The following ZNF90 variants were observed in gnomAD, a reference collection of about 807,000 sequenced individuals.
The protein encoded by ZNF90 is zinc finger protein 90, also known as zinc finger protein HTF9.
Under a neutral mutation model 12.0 loss-of-function variants are expected in ZNF90, and 11 were observed. The observed-to-expected ratio is 0.92, with a 90% CI of 0.58 to 1.52. The LOEUF (loss-of-function observed/expected upper bound fraction) is 1.52. Ranked by LOEUF, ZNF90 falls within the 40% of genes most tolerant of loss-of-function variation. ZNF90 has a pLI of 0.00. For synonymous variants in ZNF90, 232 were observed against 240.1 expected (o/e 0.97, Z 0.31); for missense variants, 765 against 711.5 (o/e 1.08, Z -0.86).
intron 3 of ZNF90, among the ~76,000 whole-genome samples, chr19:20,107,721 C>G (rs2089052318): frequency 6.6e-6 from 1 of 152,124 alleles, no homozygotes; most frequent in African/African-American, 2.4e-5. Flanking sequence ...TCTCCATATA[C>G]ATTTTTACTT....
chr19:20,115,992 G>T (rs2089133738), intron 3 of ZNF90, among the ~76,000 whole-genome samples: 1 of 152,122 alleles, frequency 6.6e-6, no homozygotes, highest in Non-Finnish European at 1.5e-5. Flanking sequence ...TCCTGCTTCA[G>T]TCTCCTGAGT....
chr19:20,088,784 C>CTACA (rs2088879556), intron 1 of ZNF90, among the ~76,000 whole-genome samples: 1 of 152,160 alleles, frequency 6.6e-6, no homozygotes. Context: ...ATTACACAGG[C>CTACA]TACAGAAGGT....
At chr19:20,079,148 T>G (rs2088801579) in intron 1 of ZNF90, among the ~76,000 whole-genome samples, 1 of 151,282 alleles carries the variant, frequency 6.6e-6, no homozygotes, top group South Asian at 2.1e-4. Context: ...GTAAGCATCT[T>G]AAAATTTCCA....
chr19:20,103,031 C>T (rs1425046366), intron 1 of ZNF90, among the ~76,000 whole-genome samples: 1 of 152,072 alleles, frequency 6.6e-6, no homozygotes, highest in African/African-American at 2.4e-5. Context: ...AGACCAAACA[C>T]CAGGTCGTGG....
rs921885202 is a variant in ZNF90 at position 20,078,250 on chromosome 19, C to T, written c.3+115C>T. ...AGTCAGCTCCACAATCTGCGACCGA[C>T]TTCTCCTTGCCCAGTTCGGCCTCAG... On this transcript the variant is annotated intron_variant, in intron 1 of 3. Coordinates refer to ENST00000418063, the MANE Select transcript of ZNF90 (RefSeq NM_007138.2). The T allele has an allele frequency of 4.4e-6, 6 of 1,377,368 alleles. No individual in the cohort carries two copies. In the African/African-American group the frequency reaches 5.7e-5, roughly 13 times the overall value. The allele number at this position is 1,377,368 out of a possible 1,614,324, so 85.3% of individuals were successfully genotyped here. A position where few individuals can be genotyped will look rare whatever the true frequency, so the allele number is the denominator to read the frequency against.
chr19:20,108,944 C>A (rs111395281), intron 3 of ZNF90, among the ~76,000 whole-genome samples: 25 of 151,646 alleles, frequency 1.6e-4, no homozygotes, highest in Non-Finnish European at 3.7e-4. Context: ...AGGCTGGTCT[C>A]GAGCTCCTGA....
chr19:20,105,296 A>AG lies in ZNF90; in HGVS notation c.207dup (p.Met70AspfsTer35). On this transcript the variant is annotated frameshift_variant, in exon 3 of 4. Coordinates refer to ENST00000418063, the MANE Select transcript of ZNF90 (RefSeq NM_007138.2). LOFTEE classifies it low-confidence loss of function (END_TRUNC). The stretch of plus-strand genomic sequence containing the variant: ...AAACCCTTCACTGTGAAGAGACATG[A>AG]GATGATTGCCAAATCCCCAGGTAGG... 6.2e-7 allele frequency: 1 copy of AG among 1,607,520 alleles called. No individual in the cohort carries two copies. The highest frequency in any genetic ancestry group is 8.5e-7 in the Non-Finnish European group (1 of 1,176,294).
intron 3 of ZNF90, among the ~76,000 whole-genome samples, chr19:20,114,557 GTGT>G (rs2089119677): frequency 6.6e-6 from 1 of 152,036 alleles, no homozygotes; most frequent in African/African-American, 2.4e-5. Flanking sequence ...GTTAGAATAT[GTGT>G]TGTATCATTT....
Position 20,121,097 on chromosome 19 carries a change from G to A in ZNF90, c.*1737G>A, listed in dbSNP as rs2122538767. The A allele has an allele frequency of 5.4e-6, 1 of 183,642 alleles. No individual in the cohort carries two copies. The highest frequency in any genetic ancestry group is 1.6e-4 in the East Asian group (1 of 6,230). 11.4% of individuals were successfully genotyped at this position (183,642 alleles called of 1,614,324 possible). On this transcript the variant is annotated 3_prime_UTR_variant, in exon 4 of 4. Transcript: ENST00000418063. ...ATAGTGAGAGAAATTATGAATTACA[G>A]TTAAAGGTATATTAAATTACTGTAT...
chr19:20,100,225 C>A (rs2088978734), intron 1 of ZNF90, among the ~76,000 whole-genome samples: 3 of 152,114 alleles, frequency 2.0e-5, no homozygotes, highest in African/African-American at 7.2e-5. Flanking sequence ...TGCAGCTAAC[C>A]AATGGAAATT....
In ZNF90 at chr19:20,119,622, C is replaced by CTT. The variant is rs375392718; in HGVS notation, c.*276_*277dup. ...CAAAGCCTATAACAAGTTCTCAATT[C>CTT]TTTTTTTTTTTTTTTAAGAAGGAGT... On this transcript the variant is annotated 3_prime_UTR_variant, in exon 4 of 4. Coordinates refer to ENST00000418063, the MANE Select transcript of ZNF90 (RefSeq NM_007138.2). The CTT allele has an allele frequency of 1.8e-3, 427 of 234,310 alleles. 1 individual carries two copies. Among genetic ancestry groups the CTT allele is most frequent in the African/African-American group, 3.4e-3 (140 of 41,400 alleles). The allele number at this position is 234,310 out of a possible 1,614,324, so 14.5% of individuals were successfully genotyped here.
intron 1 of ZNF90, 145 bp from the exon 2 acceptor site, chr19:20,104,094 T>A (rs1555704124): frequency 7.3e-6 from 9 of 1,225,038 alleles, no homozygotes. Flanking sequence ...ATTTTTGTGT[T>A]GGAAATTGTT....
At chr19:20,093,523 G>A (rs984616099) in intron 1 of ZNF90, among the ~76,000 whole-genome samples, 2 of 152,076 alleles carry the variant, frequency 1.3e-5, no homozygotes, top group Non-Finnish European at 2.9e-5. Context: ...GGAGAAGGGC[G>A]GCAATGAGAT....
chr19:20,095,450 G>T (rs1030747492), intron 1 of ZNF90, among the ~76,000 whole-genome samples: 2 of 152,024 alleles, frequency 1.3e-5, no homozygotes, highest in African/African-American at 4.8e-5. Context: ...GGAGAAGGAG[G>T]AATGGAGGGT....
intron 3 of ZNF90, among the ~76,000 whole-genome samples, chr19:20,107,368 C>T (rs1725926): frequency 0.42 from 63,218 of 152,010 alleles, 13,911 homozygotes; most frequent in African/African-American, 0.57. Flanking sequence ...CCAAGAACAG[C>T]GGCCCTTTAG....
chr19:20,101,080 G>A (rs532589630), intron 1 of ZNF90, among the ~76,000 whole-genome samples: 40 of 151,816 alleles, frequency 2.6e-4, no homozygotes, highest in Non-Finnish European at 5.6e-4. Context: ...ACTTGCCGTC[G>A]ACCACTGCTG....
At chr19:20,105,434 T>C in intron 3 of ZNF90, 118 bp downstream of exon 3, 2 of 777,688 alleles carry the variant, frequency 2.6e-6, no homozygotes, top group Non-Finnish European at 4.0e-6. Context: ...GAATAGTTCC[T>C]GGGATTCTGT....
rs1276261732 is a variant in ZNF90, at chr19:20,120,177, C to T, written c.*817C>T. The stretch of plus-strand genomic sequence containing the variant: ...CTTATTTCACAGGAAAGCTAGTATC[C>T]TTGAGAAAAATTGCACAATTATAAA... On this transcript the variant is annotated 3_prime_UTR_variant, in exon 4 of 4. Transcript: ENST00000418063. Among the ~76,000 whole-genome samples, 1 of 152,104 alleles carries T rather than the reference C, an allele frequency of 6.6e-6. No individual in the cohort carries two copies. The highest frequency in any genetic ancestry group is 6.6e-5 in the Admixed American group (1 of 15,266).
At chr19:20,090,521 A>G (rs1056822795) in intron 1 of ZNF90, among the ~76,000 whole-genome samples, 3 of 152,308 alleles carry the variant, frequency 2.0e-5, no homozygotes, top group South Asian at 2.1e-4. Context: ...GGCGGACGGC[A>G]GTCGGGGACT....
Sources: allele counts gnomAD v4.1 joint callset (sites outside exome capture counted in the v4.1 genomes callset), GRCh38; gene constraint gnomAD v4.1.1; transcripts MANE v1.5; gene names NCBI Gene and HGNC (gene_info 2026-07-23, HGNC 2026-07-21).